ZNF862: variants seen among roughly 807,000 people sequenced by gnomAD.
The protein encoded by ZNF862 is zinc finger protein 862.
ZNF862 carries 64 observed loss-of-function variants against 91.1 expected under a neutral mutation model. The observed-to-expected ratio is 0.70, with a 90% CI of 0.57 to 0.87. The LOEUF (loss-of-function observed/expected upper bound fraction) is 0.87. ZNF862 is among the 40% of genes least tolerant of loss of function. The probability of loss-of-function intolerance (pLI) is 0.00; values close to 1 mark genes in which losing one functional copy is unlikely to be tolerated. For synonymous variants in ZNF862, 631 were observed against 618.1 expected (o/e 1.02, Z -0.31); for missense variants, 1,459 against 1,528.0 (o/e 0.95, Z 0.75).
Position 149,848,206 on chromosome 7 carries a change from AT to A in ZNF862, c.715del (p.Cys239AlafsTer27). The A allele has an allele frequency of 6.2e-7, 1 of 1,613,928 alleles. No individual in the cohort carries two copies. The highest frequency in any genetic ancestry group is 8.5e-7 in the Non-Finnish European group (1 of 1,179,872). Reference protein sequence around the residue: ...LASPEPLFTADCPIFYPPGPL... With the variant: ...LASPEPLFTAXCPIFYPPGPL... ...AGCCCGGAGCCGCTCTTCACTGCAG[AT>A]TGCCCCATATTCTACCCCCCAGGGC... On this transcript the variant is annotated frameshift_variant, in exon 4 of 8. Transcript: ENST00000223210. LOFTEE classifies it high-confidence loss of function.
Position 149,848,144 on chromosome 7 carries a change from C to A in ZNF862, c.651C>A (p.Phe217Leu). The A allele has an allele frequency of 6.2e-7, 1 of 1,614,064 alleles. No individual in the cohort carries two copies. Among genetic ancestry groups the A allele is most frequent in the Non-Finnish European group, 8.5e-7 (1 of 1,179,908 alleles). Residue 217 changes from phenylalanine to leucine, a missense_variant, in exon 4 of 8, where the codon TTC becomes TTA. Physicochemically the swap from Phe to Leu is conservative, Grantham distance 22. Coordinates refer to ENST00000223210, the MANE Select transcript of ZNF862 (RefSeq NM_001099220.3). ...GGGACCCCATCTGGGCAGCCCGGTTCCGGAGCATCAGAGACCCACCTGGAG... is the reference window on the plus strand; with the variant it reads ...GGGACCCCATCTGGGCAGCCCGGTTACGGAGCATCAGAGACCCACCTGGAG... ...AARDPIWAAR[F>L]RSIRDPPGDV...
intron 5 of ZNF862, among the ~76,000 whole-genome samples, chr7:149,857,481 C>G (rs1035618439): frequency 6.6e-6 from 1 of 152,068 alleles, no homozygotes; most frequent in Admixed American, 6.6e-5. Flanking sequence ...TATTAATTCT[C>G]ATTATTTTGA....
At chr7:149,852,258 T>C (rs949080019) in intron 5 of ZNF862, 2 of 151,848 alleles carry the variant, frequency 1.3e-5, no homozygotes, top group Non-Finnish European at 2.9e-5. Flanking sequence ...CCATAACAAA[T>C]GCTCTAAGAG....
At chr7:149,860,323 T>A in intron 6 of ZNF862, 60 bp from the exon 7 acceptor site, 3 of 1,492,006 alleles carry the variant, frequency 2.0e-6, no homozygotes, top group Non-Finnish European at 2.7e-6. Flanking sequence ...GTGTCTTAGC[T>A]GATAGAAGAT....
chr7:149,841,733 G>A (rs990058914), intron 1 of ZNF862: 3 of 985,274 alleles, frequency 3.0e-6, no homozygotes, highest in African/African-American at 1.7e-5. Flanking sequence ...TTGCCTCAAC[G>A]TTTCTGTTTC....
intron 1 of ZNF862, among the ~76,000 whole-genome samples, chr7:149,843,365 C>A (rs1801768869): frequency 1.3e-5 from 2 of 152,070 alleles, no homozygotes; most frequent in African/African-American, 4.8e-5. Context: ...TTTAAAATTT[C>A]TTTAACTAGG....
At chr7:149,841,077 T>C in intron 1 of ZNF862, 1 of 985,434 alleles carries the variant, frequency 1.0e-6, no homozygotes, top group Non-Finnish European at 1.2e-6. Flanking sequence ...TGTTTTCTAA[T>C]ATGGGAAATG....
chr7:149,845,338 CAT>C (rs1290531357), intron 2 of ZNF862, among the ~76,000 whole-genome samples: 6 of 152,346 alleles, frequency 3.9e-5, no homozygotes, highest in South Asian at 2.1e-4. Flanking sequence ...TGTATTTCAA[CAT>C]GTGTGTACAC....
Position 149,838,515 on chromosome 7 carries a change from C to G in ZNF862, c.-97C>G, listed in dbSNP as rs1334114817. On this transcript the variant is annotated 5_prime_UTR_variant, in exon 1 of 8. Transcript: ENST00000223210. ...TCCCTCCCTACCTGGGTGCCCTCCC[C>G]CTCCGGGAGCCTGGGTCCCCGGGGC... 14 of 862,460 alleles carry G rather than the reference C, an allele frequency of 1.6e-5. No homozygotes were observed. The South Asian group carries it at 2.4e-4, about 15-fold the overall frequency. The allele number at this position is 862,460 out of a possible 1,614,324, so 53.4% of individuals were successfully genotyped here. A position where few individuals can be genotyped will look rare whatever the true frequency, so the allele number is the denominator to read the frequency against.
chr7:149,862,370 G>C lies in ZNF862; in HGVS notation c.3210G>C (p.Val1070=). The C allele has an allele frequency of 1.9e-6, 3 of 1,613,148 alleles. No homozygotes were observed. Among genetic ancestry groups the C allele is most frequent in the Non-Finnish European group, 2.5e-6 (3 of 1,179,660 alleles). ...TCAACATGCTCATGATGACAGCTGT[G>C]AACGGCGTGGCCGTCACGGAGTACG... ...EVLNMLMMTA[V]NGVAVTEYDP... Residue 1070 remains valine (V), a synonymous_variant, in exon 7 of 8, where the codon GTG becomes GTC. Transcript: ENST00000223210.
At chr7:149,860,289 A>T in intron 6 of ZNF862, 94 bp from the exon 7 acceptor site, 1 of 1,127,214 alleles carries the variant, frequency 8.9e-7, no homozygotes, top group Non-Finnish European at 1.3e-6. Flanking sequence ...TGCCTTGCTT[A>T]AGGGATACTT....
intron 5 of ZNF862, among the ~76,000 whole-genome samples, chr7:149,853,103 G>C (rs1802123739): frequency 2.6e-5 from 4 of 152,176 alleles, no homozygotes; most frequent in Admixed American, 2.6e-4. Context: ...TTATTTGTTT[G>C]TTTGAGATGG....
Position 149,850,367 on chromosome 7 carries a change from C to T in ZNF862, c.1117+29C>T. 1.3e-6 allele frequency: 2 copies of T among 1,589,156 alleles called. No homozygotes were observed. Among genetic ancestry groups the T allele is most frequent in the Non-Finnish European group, 1.7e-6 (2 of 1,166,180 alleles). On this transcript the variant is annotated intron_variant, in intron 5 of 7. Coordinates refer to ENST00000223210, the MANE Select transcript of ZNF862 (RefSeq NM_001099220.3). This position sits in a 1 kb window ranked among gnomAD's most constrained non-coding sequence, Gnocchi z 4.2. The stretch of plus-strand genomic sequence containing the variant: ...AAGACGCACCGAGCCTCTTATTCAC[C>T]ACCCTCCTTTGACTTGGGAAGCCCA...
At position 149,850,263 on chromosome 7, in the gene ZNF862, G is replaced by A. The variant is rs565294403; in HGVS notation, c.1042G>A (p.Gly348Ser). 6.2e-6 allele frequency: 10 copies of A among 1,613,650 alleles called. No homozygotes were observed. The East Asian group carries it at 2.0e-4, about 32-fold the overall frequency. ...AGTGTATTTCACCCGGGAGGAGTGG[G>A]GCATGCTAGACAAGCGGCAGAAGGA... Reference protein sequence around the residue: ...VAVYFTREEWGMLDKRQKELY... With the variant: ...VAVYFTREEWSMLDKRQKELY... Residue 348 changes from glycine (G) to serine (S), a missense_variant, in exon 5 of 8, where the codon GGC (glycine) becomes AGC (serine). Gly to Ser is a moderately conservative substitution (Grantham distance 56, BLOSUM62 0). Coordinates refer to ENST00000223210, the MANE Select transcript of ZNF862 (RefSeq NM_001099220.3). The surrounding 1 kb of genome is among the most constrained non-coding windows in gnomAD (Gnocchi z 4.2).
In ZNF862 at chr7:149,861,326, C is replaced by T; in HGVS notation, c.2166C>T (p.Val722=). The T allele has an allele frequency of 6.2e-7, 1 of 1,613,086 alleles. No individual in the cohort carries two copies. The highest frequency in any genetic ancestry group is 8.5e-7 in the Non-Finnish European group (1 of 1,179,896). ...AGGTCATCCCGCAGCTGCTGCCTGT[C>T]CACTGCGTGGCCCACCGGCTGCACC... ...FQEVIPQLLP[V]HCVAHRLHLA... Residue 722 remains valine (V), a synonymous_variant, in exon 7 of 8, where the codon GTC becomes GTT. Transcript: ENST00000223210. This position sits in a 1 kb window ranked among gnomAD's most constrained non-coding sequence, Gnocchi z 6.7.
At chr7:149,845,021 C>G (rs566737141) in intron 2 of ZNF862, 1 of 356,972 alleles carries the variant, frequency 2.8e-6, no homozygotes, top group African/African-American at 2.1e-5. Flanking sequence ...CCCAAGGGGC[C>G]GGGAGGGAAA....
rs773283201 is a variant in ZNF862, at chr7:149,862,004, G to T, written c.2844G>T (p.Glu948Asp). ...ADRPPQLKNM[E>D]VFDTMAWPSG... is the part of the protein sequence containing the mutation. ...GACCCCCACAGCTGAAGAACATGGA[G>T]GTGTTTGACACCATGGCCTGGCCAA... The change falls in exon 7 of 8, where the codon GAG (glutamate) becomes GAT (aspartate). Residue 948 changes from glutamate (E) to aspartate (D), a missense_variant. Transcript: ENST00000223210. 2.9e-5 allele frequency: 46 copies of T among 1,613,750 alleles called. No individual in the cohort carries two copies. The highest frequency in any genetic ancestry group is 1.6e-4 in the Middle Eastern group (1 of 6,084).
chr7:149,844,755 A>G lies in ZNF862; in HGVS notation c.136+19A>G, dbSNP rs1249519802. The G allele has an allele frequency of 4.7e-6, 7 of 1,484,250 alleles. No individual in the cohort carries two copies. The highest frequency in any genetic ancestry group is 6.5e-6 in the Non-Finnish European group (7 of 1,082,154). The allele number at this position is 1,484,250 out of a possible 1,614,324, so 91.9% of individuals were successfully genotyped here. The stretch of plus-strand genomic sequence containing the variant: ...CCACTGGGTATGGGTGCCCATCCAC[A>G]TCCCTGCCACTGTCAATTTAGATCG... On this transcript the variant is annotated intron_variant, in intron 2 of 7. Coordinates refer to ENST00000223210, the MANE Select transcript of ZNF862 (RefSeq NM_001099220.3).
chr7:149,860,521 G>A lies in ZNF862; in HGVS notation c.1361G>A (p.Arg454Lys), dbSNP rs1425228773. Reference protein sequence around the residue: ...SSICEEGDGPRRIKRTYRPRS... With the variant: ...SSICEEGDGPKRIKRTYRPRS... ...ATTTGTGAGGAAGGAGATGGACCTA[G>A]GAGAATCAAGAGGACATACAGGCCC... Residue 454 changes from arginine to lysine, a missense_variant, in exon 7 of 8, where the codon AGG becomes AAG. Arg to Lys is a conservative substitution (Grantham distance 26, BLOSUM62 2). Transcript: ENST00000223210. The A allele has an allele frequency of 1.9e-6, 3 of 1,613,862 alleles. No homozygotes were observed. Among genetic ancestry groups the A allele is most frequent in the Admixed American group, 1.7e-5 (1 of 60,000 alleles).
Sources: allele counts gnomAD v4.1 joint callset (sites outside exome capture counted in the v4.1 genomes callset), GRCh38; gene constraint gnomAD v4.1.1; non-coding constraint Gnocchi (gnomAD v3.1); transcripts MANE v1.5; gene names NCBI Gene and HGNC (gene_info 2026-07-23, HGNC 2026-07-21).